The following ENTREP2 variants were observed in gnomAD, a reference collection of about 807,000 sequenced individuals.
ENTREP2 encodes endosomal transmembrane epsin interactor 2, also known as protein ENTREP2.
chr15:29,674,779 G>T, the ENTREP2 span, among the ~76,000 whole-genome samples: 2 of 144,890 alleles, frequency 1.4e-5, no homozygotes, highest in Non-Finnish European at 3.0e-5. Flanking sequence ...GGAGGAGGGG[G>T]CGCGGAGGAA....
the ENTREP2 span, chr15:29,266,689 A>G: frequency 1.3e-5 from 2 of 152,192 alleles, no homozygotes; most frequent in Admixed American, 6.5e-5. Context: ...CACAAAATAA[A>G]ACTCTATATT....
the ENTREP2 span, among the ~76,000 whole-genome samples, chr15:29,135,076 C>T: frequency 6.6e-6 from 1 of 152,006 alleles, no homozygotes; most frequent in East Asian, 1.9e-4. The surrounding 1 kb of genome is among the most constrained non-coding windows in gnomAD (Gnocchi z 7.4). Context: ...ATCTGCTCTC[C>T]TCTGCTTGTT....
the ENTREP2 span, among the ~76,000 whole-genome samples, chr15:29,378,860 TA>T: frequency 6.6e-6 from 1 of 152,248 alleles, no homozygotes; most frequent in African/African-American, 2.4e-5. Flanking sequence ...TATGTTTTTC[TA>T]AAGCACCCTA....
At chr15:29,390,013 G>T in the ENTREP2 span, among the ~76,000 whole-genome samples, 7,651 of 151,728 alleles carry the variant, frequency 0.05, 441 homozygotes, top group African/African-American at 0.14. Flanking sequence ...TAACCCTAAT[G>T]ACGGAGGGCC....
chr15:29,496,673 A>G, the ENTREP2 span, among the ~76,000 whole-genome samples: 5,217 of 152,266 alleles, frequency 0.034, 283 homozygotes, highest in African/African-American at 0.12. Context: ...TGAGATAATC[A>G]TATAATTTTT....
chr15:29,377,040 G>A, the ENTREP2 span: 2 of 152,312 alleles, frequency 1.3e-5, no homozygotes, highest in Non-Finnish European at 1.5e-5. Flanking sequence ...GAAGGAGTTG[G>A]GGGGAGGGCA....
At chr15:29,146,171 G>T in the ENTREP2 span, among the ~76,000 whole-genome samples, 1 of 152,162 alleles carries the variant, frequency 6.6e-6, no homozygotes, top group South Asian at 2.1e-4. Context: ...CTAAATGAAT[G>T]GAAGGGTACC....
chr15:29,418,238 G>A, the ENTREP2 span, among the ~76,000 whole-genome samples: 3 of 152,254 alleles, frequency 2.0e-5, no homozygotes, highest in Admixed American at 6.5e-5. Flanking sequence ...ATGTACAAAT[G>A]CATTAGCATT....
At chr15:29,615,873 T>C in the ENTREP2 span, among the ~76,000 whole-genome samples, 1 of 152,166 alleles carries the variant, frequency 6.6e-6, no homozygotes, top group Non-Finnish European at 1.5e-5. Context: ...GCAGGGATGA[T>C]ACAGGGAAGC....
chr15:29,302,292 T>C, the ENTREP2 span, among the ~76,000 whole-genome samples: 2 of 152,170 alleles, frequency 1.3e-5, no homozygotes, highest in South Asian at 2.1e-4. Context: ...AAATTTATCA[T>C]GAGTCCAAGC....
At chr15:29,674,269 T>G in the ENTREP2 span, among the ~76,000 whole-genome samples, 5 of 152,028 alleles carry the variant, frequency 3.3e-5, no homozygotes, top group African/African-American at 1.2e-4. Flanking sequence ...GTTGTTTTTT[T>G]TGTTTTTGTT....
At chr15:29,140,628 C>T in the ENTREP2 span, among the ~76,000 whole-genome samples, 1 of 152,310 alleles carries the variant, frequency 6.6e-6, no homozygotes, top group Non-Finnish European at 1.5e-5. Context: ...TCCCCACCTC[C>T]CTTTCACCTG....
chr15:29,521,945 T>C, the ENTREP2 span, among the ~76,000 whole-genome samples: 1 of 152,124 alleles, frequency 6.6e-6, no homozygotes, highest in Non-Finnish European at 1.5e-5. Context: ...ACCAATACAG[T>C]ATAATCTCTA....
chr15:29,442,848 C>T, the ENTREP2 span, among the ~76,000 whole-genome samples: 1 of 152,194 alleles, frequency 6.6e-6, no homozygotes, highest in African/African-American at 2.4e-5. Flanking sequence ...ACTTTACCCT[C>T]CCCAATTAAA....
chr15:29,368,411 C>T, the ENTREP2 span, among the ~76,000 whole-genome samples: 1 of 151,218 alleles, frequency 6.6e-6, no homozygotes, highest in African/African-American at 2.4e-5. Flanking sequence ...CACACACACA[C>T]ATATATGACC....
chr15:29,224,212 G>C, the ENTREP2 span, among the ~76,000 whole-genome samples: 1 of 152,014 alleles, frequency 6.6e-6, no homozygotes, highest in African/African-American at 2.4e-5. Context: ...AAATCGGCGC[G>C]TCTGGAGTTG....
the ENTREP2 span, among the ~76,000 whole-genome samples, chr15:29,636,976 A>T: frequency 1.3e-5 from 2 of 151,754 alleles, no homozygotes; most frequent in Non-Finnish European, 2.9e-5. Context: ...TTGAACAGAT[A>T]AAGCTTAACA....
At chr15:29,293,303 T>C in the ENTREP2 span, among the ~76,000 whole-genome samples, 1 of 151,790 alleles carries the variant, frequency 6.6e-6, no homozygotes, top group Admixed American at 6.6e-5. Flanking sequence ...CAGGCTGGAG[T>C]GCAGTGGCAC....
At chr15:29,619,486 C>T in the ENTREP2 span, among the ~76,000 whole-genome samples, 4 of 152,176 alleles carry the variant, frequency 2.6e-5, no homozygotes, top group African/African-American at 4.8e-5. Flanking sequence ...TTAAATAACT[C>T]GCTAAATATC....
Sources: allele counts gnomAD v4.1 joint callset (sites outside exome capture counted in the v4.1 genomes callset), GRCh38; gene constraint gnomAD v4.1.1; non-coding constraint Gnocchi (gnomAD v3.1); transcripts MANE v1.5; gene names NCBI Gene and HGNC (gene_info 2026-07-23, HGNC 2026-07-21).